AMH: variants seen among roughly 807,000 people sequenced by gnomAD.
AMH encodes the protein anti-Muellerian hormone.
In AMH, 39 loss-of-function variants were observed where a neutral mutation model predicts 33.3. The ratio of observed to expected loss-of-function variants is 1.17; its 90% CI spans 0.91 to 1.53. The LOEUF (loss-of-function observed/expected upper bound fraction) is 1.53, where lower values mean the gene tolerates loss of function less well. AMH is among the 40% of genes most tolerant of loss of function. The pLI is 0.00. For missense variants in AMH, 1,019 were observed against 799.8 expected, an observed-to-expected ratio of 1.27 and a Z score of -3.30; for synonymous variants, 536 against 403.0, an observed-to-expected ratio of 1.33 and a Z score of -3.95.
Position 2,251,400 on chromosome 19 carries a change from G to A in AMH, c.1126G>A (p.Ala376Thr), listed in dbSNP as rs560114120. Reference protein sequence around the residue: ...PTSAPWATALARRVAAELQAA... With the variant: ...PTSAPWATALTRRVAAELQAA... ...GTCGGCGCCGTGGGCCACGGCCCTGGCGCGCCGCGTGGCTGCTGAACTGCA... is the reference window on the plus strand; with the variant it reads ...GTCGGCGCCGTGGGCCACGGCCCTGACGCGCCGCGTGGCTGCTGAACTGCA... Residue 376 changes from alanine (A) to threonine (T), a missense_variant, in exon 5 of 5, where the codon GCG (alanine) becomes ACG (threonine). Ala to Thr is a moderately conservative substitution (Grantham distance 58). Transcript: ENST00000221496. The A allele has an allele frequency of 4.0e-5, 58 of 1,452,838 alleles. No homozygotes were observed. In the Admixed American group the frequency reaches 1.1e-3, roughly 27 times the overall value. The allele number at this position is 1,452,838 out of a possible 1,614,324, so 90.0% of individuals were successfully genotyped here. A position where few individuals can be genotyped will look rare whatever the true frequency, so the allele number is the denominator to read the frequency against.
chr19:2,251,294 C>G lies in AMH; in HGVS notation c.1020C>G (p.Leu340=), dbSNP rs1373334565. Residue 340 remains leucine (L), a synonymous_variant, in exon 5 of 5, where the codon CTC becomes CTG. Coordinates refer to ENST00000221496, the MANE Select transcript of AMH (RefSeq NM_000479.5). Reference sequence around the variant, plus strand: ...ACCCCGCGGCGCTGGAGCGCCTACTCGACGGCGAGGAGCCGCTGCTGCTGC... The same window carrying G: ...ACCCCGCGGCGCTGGAGCGCCTACTGGACGGCGAGGAGCCGCTGCTGCTGC... The part of the protein sequence containing the change: ...LSDPAALERL[L]DGEEPLLLLL... 3.3e-6 allele frequency: 5 copies of G among 1,503,278 alleles called. No homozygotes were observed. Among genetic ancestry groups the G allele is most frequent in the Non-Finnish European group, 4.4e-6 (5 of 1,133,898 alleles). The allele number at this position is 1,503,278 out of a possible 1,614,324, so 93.1% of individuals were successfully genotyped here.
intron 1 of AMH, 27 bp downstream of exon 1, chr19:2,249,771 G>A: frequency 6.7e-7 from 1 of 1,482,174 alleles, no homozygotes; most frequent in Non-Finnish European, 8.9e-7. Flanking sequence ...CCCAAGCTTG[G>A]CACCGCCGTC....
rs760631522 is a variant in AMH, at chr19:2,250,294, T to A, written c.413-43T>A. ...AGATCCCAAAGATTCCCGGGGGGTG[T>A]GGCCTTCAATGGCTCAGGCGTCCCC... On this transcript the variant is annotated intron_variant, in intron 1 of 4. Coordinates refer to ENST00000221496, the MANE Select transcript of AMH (RefSeq NM_000479.5). The A allele has an allele frequency of 3.8e-6, 6 of 1,563,390 alleles. No homozygotes were observed. The Admixed American group carries it at 1.1e-4, about 29-fold the overall frequency.
In AMH at chr19:2,250,979, G is replaced by C; in HGVS notation, c.795G>C (p.Gln265His). The C allele has an allele frequency of 6.6e-7, 1 of 1,518,108 alleles. No homozygotes were observed. Among genetic ancestry groups the C allele is most frequent in the Non-Finnish European group, 8.8e-7 (1 of 1,140,260 alleles). The allele number at this position is 1,518,108 out of a possible 1,614,324, so 94.0% of individuals were successfully genotyped here. Residue 265 changes from glutamine (Q) to histidine (H), a missense_variant, in exon 4 of 5, where the codon CAG becomes CAC. By Grantham distance (24) the Gln-to-His change is conservative. Transcript: ENST00000221496. Reference sequence around the variant, plus strand: ...CCGCGCCGCTGCCTGCGCACGGCCAGCTGGACACCGTGCCCTTCCCGCCGC... The same window carrying C: ...CCGCGCCGCTGCCTGCGCACGGCCACCTGGACACCGTGCCCTTCCCGCCGC... ...SEPAPLPAHG[Q>H]LDTVPFPPPR...
In AMH at chr19:2,252,021, A is replaced by G. The variant is rs1166324180; in HGVS notation, c.*64A>G. The G allele has an allele frequency of 2.9e-5, 44 of 1,522,894 alleles. No individual in the cohort carries two copies. The highest frequency in any genetic ancestry group is 2.0e-4 in the South Asian group (17 of 83,554). The allele number at this position is 1,522,894 out of a possible 1,614,324, so 94.3% of individuals were successfully genotyped here. A position where few individuals can be genotyped will look rare whatever the true frequency, so the allele number is the denominator to read the frequency against. On this transcript the variant is annotated 3_prime_UTR_variant, in exon 5 of 5. Coordinates refer to ENST00000221496, the MANE Select transcript of AMH (RefSeq NM_000479.5). ...CGCGCCCCAGCTCGCGCCCCTTCCC[A>G]TATTTATTCGGACCCCAAGCATCGC...
rs754626804 is a variant in AMH at position 2,250,692 on chromosome 19, C to T, written c.596C>T (p.Ala199Val). The change falls in exon 3 of 5, where the codon GCG becomes GTG. Residue 199 changes from alanine (A) to valine (V), a missense_variant. Physicochemically the swap from Ala to Val is moderately conservative, Grantham distance 64 (BLOSUM62 0). Coordinates refer to ENST00000221496, the MANE Select transcript of AMH (RefSeq NM_000479.5). ...CGAGACACCCGCTACCTGGTGTTAG[C>T]GGTGGACCGCCCTGCGGGGGCCTGG... is the stretch of plus-strand genomic sequence containing the variant. Reference protein sequence around the residue: ...PSRDTRYLVLAVDRPAGAWRG... With the variant: ...PSRDTRYLVLVVDRPAGAWRG... 5 of 1,539,504 alleles carry T rather than the reference C, an allele frequency of 3.2e-6. No homozygotes were observed. The Admixed American group carries it at 9.7e-5, about 30-fold the overall frequency.
rs1336466921 is a variant in AMH at position 2,250,896 on chromosome 19, G to A, written c.712G>A (p.Asp238Asn). The change falls in exon 4 of 5, where the codon GAC becomes AAC. Residue 238 changes from aspartate to asparagine, a missense_variant. By Grantham distance (23) the Asp-to-Asn change is conservative. Coordinates refer to ENST00000221496, the MANE Select transcript of AMH (RefSeq NM_000479.5). ...ARLQALLFGD[D>N]HRCFTRMTPA... is the part of the protein sequence containing the mutation. ...GCTGCAGGCACTGCTGTTCGGCGAC[G>A]ACCACCGCTGCTTCACACGGATGAC... 5 of 1,573,258 alleles carry A rather than the reference G, an allele frequency of 3.2e-6. No individual in the cohort carries two copies. The highest frequency in any genetic ancestry group is 4.3e-6 in the Non-Finnish European group (5 of 1,168,388).
In AMH at chr19:2,251,236, C is replaced by T. The variant is rs1437185149; in HGVS notation, c.962C>T (p.Ala321Val). 12 of 1,502,496 alleles carry T rather than the reference C, an allele frequency of 8.0e-6. No individual in the cohort carries two copies. Among genetic ancestry groups the T allele is most frequent in the South Asian group, 2.5e-5 (2 of 80,484 alleles). 93.1% of individuals were successfully genotyped at this position (1,502,496 alleles called of 1,614,324 possible). The change falls in exon 5 of 5, where the codon GCC becomes GTC. Residue 321 changes from alanine (A) to valine (V), a missense_variant. Ala to Val is a moderately conservative substitution (Grantham distance 64). Transcript: ENST00000221496. ...CTGGCCCTGGATCCGGACGCGCTGG[C>T]CGGCTTCCCGCAGGGCCTAGTCAAC... ...PRLALDPDALAGFPQGLVNLS... is the reference protein window; with the variant it reads ...PRLALDPDALVGFPQGLVNLS...
Position 2,251,585 on chromosome 19 carries a change from G to C in AMH, c.1311G>C (p.Glu437Asp). 1 of 1,291,348 alleles carries C rather than the reference G, an allele frequency of 7.7e-7. No individual in the cohort carries two copies. The highest frequency in any genetic ancestry group is 9.8e-7 in the Non-Finnish European group (1 of 1,022,764). The allele number at this position is 1,291,348 out of a possible 1,614,324, so 80.0% of individuals were successfully genotyped here. ...AGGCGCTGCAGGGCCTGCGCGTGGA[G>C]TGGCGCGGGCGGGATCCGCGCGGGC... ...LLKALQGLRV[E>D]WRGRDPRGPG... is the part of the protein sequence containing the mutation. The change falls in exon 5 of 5, where the codon GAG becomes GAC. Residue 437 changes from glutamate to aspartate, a missense_variant. Physicochemically the swap from Glu to Asp is conservative, Grantham distance 45 (BLOSUM62 2). Transcript: ENST00000221496.
In AMH at chr19:2,251,309, G is replaced by GC. The variant is rs1568394501; in HGVS notation, c.1036dup (p.Leu346ProfsTer37). On this transcript the variant is annotated frameshift_variant, in exon 5 of 5. Coordinates refer to ENST00000221496, the MANE Select transcript of AMH (RefSeq NM_000479.5). LOFTEE classifies it low-confidence loss of function (END_TRUNC). ...AGCGCCTACTCGACGGCGAGGAGCC[G>GC]CTGCTGCTGCTGCTGAGGCCCACTG... 1.3e-6 allele frequency: 2 copies of GC among 1,491,052 alleles called. No individual in the cohort carries two copies. The highest frequency in any genetic ancestry group is 1.5e-5 in the African/African-American group (1 of 68,672). 92.4% of individuals were successfully genotyped at this position (1,491,052 alleles called of 1,614,324 possible).
In AMH at chr19:2,249,612, C is replaced by T. The variant is rs530771511; in HGVS notation, c.280C>T (p.Pro94Ser). ...LGAVQRARWGPRDLATFGVCN... is the reference protein window; with the variant it reads ...LGAVQRARWGSRDLATFGVCN... ...GGCCGTGCAGAGGGCCCGCTGGGGC[C>T]CCCGAGACCTGGCCACCTTCGGGGT... The change falls in exon 1 of 5, where the codon CCC (proline) becomes TCC (serine). Residue 94 changes from proline to serine, a missense_variant. Transcript: ENST00000221496. 3.9e-6 allele frequency: 6 copies of T among 1,542,608 alleles called. No homozygotes were observed. The highest frequency in any genetic ancestry group is 4.7e-5 in the East Asian group (2 of 42,142).
In AMH at chr19:2,250,683, T is replaced by C; in HGVS notation, c.587T>C (p.Leu196Pro). 6.5e-7 allele frequency: 1 copy of C among 1,539,712 alleles called. No homozygotes were observed. Among genetic ancestry groups the C allele is most frequent in the Non-Finnish European group, 8.7e-7 (1 of 1,147,420 alleles). Reference sequence around the variant, plus strand: ...TGCCCCTCCCGAGACACCCGCTACCTGGTGTTAGCGGTGGACCGCCCTGCG... The same window carrying C: ...TGCCCCTCCCGAGACACCCGCTACCCGGTGTTAGCGGTGGACCGCCCTGCG... ...SLCPSRDTRY[L>P]VLAVDRPAGA... The change falls in exon 3 of 5, where the codon CTG becomes CCG. Residue 196 changes from leucine to proline, a missense_variant. Physicochemically the swap from Leu to Pro is moderately conservative, Grantham distance 98 (BLOSUM62 -3). Transcript: ENST00000221496.
chr19:2,250,841 C>T lies in AMH; in HGVS notation c.665-8C>T, dbSNP rs981641434. The T allele has an allele frequency of 1.9e-6, 3 of 1,559,832 alleles. No individual in the cohort carries two copies. Among genetic ancestry groups the T allele is most frequent in the Admixed American group, 3.6e-5 (2 of 54,810 alleles). On this transcript the variant is annotated splice_polypyrimidine_tract_variant and splice_region_variant and intron_variant, in intron 3 of 4. Transcript: ENST00000221496. ...CCCCTGAGCCAGCCGCGTGCCCACC[C>T]ACCGCAGACTCCCGGCTGAGTACCG...
chr19:2,251,567 G>A lies in AMH; in HGVS notation c.1293G>A (p.Leu431=), dbSNP rs2025044701. The part of the protein sequence containing the change: ...PLRALLLLKA[L]QGLRVEWRGR... ...GAGCGCTGCTGCTCCTGAAGGCGCT[G>A]CAGGGCCTGCGCGTGGAGTGGCGCG... The change falls in exon 5 of 5, where the codon CTG becomes CTA. Residue 431 remains leucine (L), a synonymous_variant. Coordinates refer to ENST00000221496, the MANE Select transcript of AMH (RefSeq NM_000479.5). The A allele has an allele frequency of 2.3e-6, 3 of 1,312,404 alleles. No homozygotes were observed. Among genetic ancestry groups the A allele is most frequent in the Non-Finnish European group, 2.9e-6 (3 of 1,033,116 alleles). 81.3% of individuals were successfully genotyped at this position (1,312,404 alleles called of 1,614,324 possible). A position where few individuals can be genotyped will look rare whatever the true frequency, so the allele number is the denominator to read the frequency against.
chr19:2,250,459 G>A lies in AMH; in HGVS notation c.535G>A (p.Ala179Thr), dbSNP rs1458961580. ...TGGCCCTGAGGTCACTGTGACGAGG[G>A]CTGGGCTGCCGGGTGCCCAGGTACC... is the stretch of plus-strand genomic sequence containing the variant. ...GPGPEVTVTR[A>T]GLPGAQSLCP... Residue 179 changes from alanine to threonine, a missense_variant, in exon 2 of 5, where the codon GCT (alanine) becomes ACT (threonine). Ala to Thr is a moderately conservative substitution (Grantham distance 58, BLOSUM62 0). Coordinates refer to ENST00000221496, the MANE Select transcript of AMH (RefSeq NM_000479.5). 7.7e-6 allele frequency: 12 copies of A among 1,550,634 alleles called. No individual in the cohort carries two copies. In the East Asian group the frequency reaches 2.4e-4, roughly 31 times the overall value.
Position 2,251,954 on chromosome 19 carries a change from G to C in AMH, c.1680G>C (p.Arg560=), listed in dbSNP as rs753777434. 1.3e-6 allele frequency: 2 copies of C among 1,544,454 alleles called. No individual in the cohort carries two copies. The highest frequency in any genetic ancestry group is 1.7e-6 in the Non-Finnish European group (2 of 1,153,048). ...TGGTGGCCACCGAGTGTGGCTGCCGGTGACCCCTGCGCCGCGCGGACTCCT... is the reference window on the plus strand; with the variant it reads ...TGGTGGCCACCGAGTGTGGCTGCCGCTGACCCCTGCGCCGCGCGGACTCCT... ...PNMVATECGC[R] is the part of the protein sequence containing the mutation. The change falls in exon 5 of 5, where the codon CGG becomes CGC. Residue 560 remains arginine, a synonymous_variant. Coordinates refer to ENST00000221496, the MANE Select transcript of AMH (RefSeq NM_000479.5).
Position 2,251,999 on chromosome 19 carries a change from G to GT in AMH, c.*42_*43insT. 2 of 1,528,716 alleles carry GT rather than the reference G, an allele frequency of 1.3e-6. No homozygotes were observed. Among genetic ancestry groups the GT allele is most frequent in the Non-Finnish European group, 1.7e-6 (2 of 1,143,284 alleles). 94.7% of individuals were successfully genotyped at this position (1,528,716 alleles called of 1,614,324 possible). A position where few individuals can be genotyped will look rare whatever the true frequency, so the allele number is the denominator to read the frequency against. On this transcript the variant is annotated 3_prime_UTR_variant, in exon 5 of 5. Transcript: ENST00000221496. Reference sequence around the variant, plus strand: ...ACTCCTGCCCCGAGGGTCCGGACGCGCCCCAGCTCGCGCCCCTTCCCATAT... The same window carrying GT: ...ACTCCTGCCCCGAGGGTCCGGACGCGTCCCCAGCTCGCGCCCCTTCCCATAT...
Position 2,249,455 on chromosome 19 carries a change from AGACTT to A in AMH, c.125_129del (p.Asp42GlyfsTer37). The A allele has an allele frequency of 1.2e-6, 2 of 1,606,062 alleles. No individual in the cohort carries two copies. Among genetic ancestry groups the A allele is most frequent in the Non-Finnish European group, 1.7e-6 (2 of 1,177,062 alleles). Reference sequence around the variant, plus strand: ...GCACCAGTGGCCTCATCTTCCGAGAAGACTTGGACTGGCCTCCAGGCAGCCCACAA... The same window carrying A: ...GCACCAGTGGCCTCATCTTCCGAGAAGGACTGGCCTCCAGGCAGCCCACAA... On this transcript the variant is annotated frameshift_variant, in exon 1 of 5. Coordinates refer to ENST00000221496, the MANE Select transcript of AMH (RefSeq NM_000479.5). LOFTEE classifies it high-confidence loss of function.
In AMH at chr19:2,251,338, C is replaced by T. The variant is rs1441695291; in HGVS notation, c.1064C>T (p.Ala355Val). 33 of 1,494,700 alleles carry T rather than the reference C, an allele frequency of 2.2e-5. No individual in the cohort carries two copies. The highest frequency in any genetic ancestry group is 2.7e-5 in the Non-Finnish European group (30 of 1,129,638). The allele number at this position is 1,494,700 out of a possible 1,614,324, so 92.6% of individuals were successfully genotyped here. Residue 355 changes from alanine (A) to valine (V), a missense_variant, in exon 5 of 5, where the codon GCC becomes GTC. Coordinates refer to ENST00000221496, the MANE Select transcript of AMH (RefSeq NM_000479.5). The part of the protein sequence containing the change: ...PLLLLLRPTA[A>V]TTGDPAPLHD... The stretch of plus-strand genomic sequence containing the variant: ...CTGCTGCTGCTGAGGCCCACTGCGG[C>T]CACCACCGGGGATCCTGCGCCCCTG...
Sources: gnomAD v4.1 joint callset for allele counts on GRCh38, gnomAD v4.1.1 for gene constraint, MANE v1.5 for transcripts, NCBI Gene and HGNC (gene_info 2026-07-23, HGNC 2026-07-21) for gene names.